The following FAT3 variants were observed in gnomAD, a reference collection of about 807,000 sequenced individuals.
The protein encoded by FAT3 is protocadherin Fat 3.
FAT3 carries 95 observed loss-of-function variants against 310.2 expected under a neutral mutation model. The observed-to-expected ratio is 0.31, with a 90% CI of 0.26 to 0.36. FAT3 has a LOEUF of 0.36. Ranked by LOEUF, FAT3 falls within the 10% of genes least tolerant of loss-of-function variation. FAT3 has a pLI of 1.00. For synonymous variants in FAT3, 2,314 were observed against 2,192.9 expected, an observed-to-expected ratio of 1.06 and a Z score of -1.54; for missense variants, 5,408 against 5,715.6, an observed-to-expected ratio of 0.95 and a Z score of 1.74.
intron 22 of FAT3, 86 bp from the exon 23 acceptor site, chr11:92,880,645 G>A (rs987444431): frequency 2.1e-6 from 3 of 1,445,384 alleles, no homozygotes; most frequent in African/African-American, 2.9e-5. Context: ...GTTCAACAAA[G>A]AATTAGGAGG....
intron 2 of FAT3, among the ~76,000 whole-genome samples, chr11:92,503,694 C>T (rs1417546653): frequency 6.6e-6 from 1 of 152,038 alleles, no homozygotes; most frequent in Non-Finnish European, 1.5e-5. Flanking sequence ...TTACAGACAA[C>T]ACACTCTGAT....
rs375393993 is a variant in FAT3, at chr11:92,354,385, A to G, written c.2273A>G (p.Asn758Ser). The change falls in exon 2 of 28, where the codon AAT (asparagine) becomes AGT (serine). Residue 758 changes from asparagine (N) to serine (S), a missense_variant. By Grantham distance (46) the Asn-to-Ser change is conservative (BLOSUM62 1). Coordinates refer to ENST00000525166, the MANE Select transcript of FAT3 (RefSeq NM_001367949.2). The part of the protein sequence containing the change: ...IKAYDADSGF[N>S]GKVLFTISDG... Reference sequence around the variant, plus strand: ...GCCTATGATGCCGACTCTGGCTTCAATGGAAAAGTGCTATTTACAATATCA... The same window carrying G: ...GCCTATGATGCCGACTCTGGCTTCAGTGGAAAAGTGCTATTTACAATATCA... 13 of 1,613,816 alleles carry G rather than the reference A, an allele frequency of 8.1e-6. No homozygotes were observed. Among genetic ancestry groups the G allele is most frequent in the African/African-American group, 5.3e-5 (4 of 74,930 alleles).
In FAT3 at chr11:92,840,219, C is replaced by T. The variant is rs1253042061; in HGVS notation, c.10369-343C>T. Among the ~76,000 whole-genome samples the T allele has an allele frequency of 3.9e-5, 6 of 152,134 alleles. No individual in the cohort carries two copies. The South Asian group carries it at 6.2e-4, about 16-fold the overall frequency. On this transcript the variant is annotated intron_variant, in intron 17 of 27. Transcript: ENST00000525166. ...CCCAGTGGAGCTCTTCAGGTCAGCT[C>T]GGGCATTGCCAGCTAACCCAGGACA...
intron 2 of FAT3, among the ~76,000 whole-genome samples, chr11:92,444,948 C>T (rs1951175433): frequency 6.6e-6 from 1 of 152,150 alleles, no homozygotes; most frequent in Admixed American, 6.6e-5. Context: ...GTCCTAACCT[C>T]CAGTGCCTCC....
At chr11:92,450,161 C>A (rs1951319188) in intron 2 of FAT3, among the ~76,000 whole-genome samples, 1 of 152,194 alleles carries the variant, frequency 6.6e-6, no homozygotes, top group Non-Finnish European at 1.5e-5. Flanking sequence ...GCGTTGGCAG[C>A]CTCGTTGAGG....
intron 7 of FAT3, among the ~76,000 whole-genome samples, chr11:92,774,993 A>AT (rs1200090594): frequency 6.6e-6 from 1 of 151,680 alleles, no homozygotes; most frequent in Non-Finnish European, 1.5e-5. Context: ...TTTTTTTCTT[A>AT]TTTTTTAGCA....
chr11:92,750,825 A>G (rs1945809118), intron 4 of FAT3, among the ~76,000 whole-genome samples: 1 of 152,234 alleles, frequency 6.6e-6, no homozygotes, highest in East Asian at 1.9e-4. Context: ...AGGCAACCCC[A>G]GTATGAATGT....
intron 3 of FAT3, among the ~76,000 whole-genome samples, chr11:92,611,352 G>GCTCCTCCTTCCTCTGA (rs879646884): frequency 1.3e-5 from 2 of 152,138 alleles, no homozygotes; most frequent in African/African-American, 2.4e-5. Context: ...CTGAGCTCAA[G>GCTCCTCCTTCCTCTGA]CTCCTCCTTC....
intron 13 of FAT3, among the ~76,000 whole-genome samples, chr11:92,814,502 T>C (rs1277118477): frequency 6.6e-6 from 1 of 152,216 alleles, no homozygotes; most frequent in East Asian, 1.9e-4. Context: ...ACTCTCTAGA[T>C]TTTAGCATGA....
At chr11:92,493,953 A>C (rs1952679501) in intron 2 of FAT3, among the ~76,000 whole-genome samples, 1 of 152,026 alleles carries the variant, frequency 6.6e-6, no homozygotes, top group Non-Finnish European at 1.5e-5. Flanking sequence ...CAGAAGCTAC[A>C]CAGACCTGAG....
At chr11:92,882,599 AACC>A (rs1835138715) in intron 23 of FAT3, 136 bp from the exon 24 acceptor site, 3 of 250,660 alleles carry the variant, frequency 1.2e-5, no homozygotes, top group Non-Finnish European at 2.0e-5. Context: ...CCCCCCCACC[AACC>A]ATCTTTGTCC....
intron 3 of FAT3, among the ~76,000 whole-genome samples, chr11:92,621,907 C>T (rs919583508): frequency 3.9e-5 from 6 of 152,150 alleles, no homozygotes; most frequent in Non-Finnish European, 8.8e-5. Flanking sequence ...GATTTTGGCA[C>T]AGTGGCTGTA....
At position 92,542,316 on chromosome 11, in the gene FAT3, A is replaced by C. The variant is rs148393728; in HGVS notation, c.3607+17368A>C. 4.9e-4 allele frequency among the ~76,000 whole-genome samples: 75 copies of C among 152,256 alleles called. No homozygotes were observed. In the East Asian group the frequency reaches 0.014, roughly 27 times the overall value. The stretch of plus-strand genomic sequence containing the variant: ...GATAAGACCCTAAAACACAGGCAAC[A>C]AAAACAAAACTAGACACATTGGATT... On this transcript the variant is annotated intron_variant, in intron 3 of 27. Transcript: ENST00000525166.
At chr11:92,341,863 C>T (rs1948272123) in intron 1 of FAT3, among the ~76,000 whole-genome samples, 1 of 152,164 alleles carries the variant, frequency 6.6e-6, no homozygotes, top group Non-Finnish European at 1.5e-5. Flanking sequence ...CCCTTCTCCT[C>T]TCCTGATACT....
chr11:92,450,534 A>G (rs981144336), intron 2 of FAT3, among the ~76,000 whole-genome samples: 1 of 152,160 alleles, frequency 6.6e-6, no homozygotes, highest in Non-Finnish European at 1.5e-5. Context: ...CTTGGTTCCA[A>G]CACAAGACTG....
chr11:92,322,041 A>C (rs1327139909), intron 1 of FAT3, among the ~76,000 whole-genome samples: 1 of 152,124 alleles, frequency 6.6e-6, no homozygotes, highest in East Asian at 1.9e-4. Flanking sequence ...TGAAAATCAG[A>C]CTCTGGTTAG....
In FAT3 at chr11:92,618,927, A is replaced by G. The variant is rs573149345; in HGVS notation, c.3608-78457A>G. 1.3e-5 allele frequency among the ~76,000 whole-genome samples: 2 copies of G among 152,234 alleles called. 1 individual carries two copies. The highest frequency in any genetic ancestry group is 4.1e-4 in the South Asian group (2 of 4,826). Reference sequence around the variant, plus strand: ...ACACCCTTTTCTTATTCTTGATCTCAGGAACAATGGATTAAGTATTTTACC... The same window carrying G: ...ACACCCTTTTCTTATTCTTGATCTCGGGAACAATGGATTAAGTATTTTACC... On this transcript the variant is annotated intron_variant, in intron 3 of 27. Transcript: ENST00000525166.
At chr11:92,771,211 T>C (rs1744207039) in intron 6 of FAT3, among the ~76,000 whole-genome samples, 1 of 152,158 alleles carries the variant, frequency 6.6e-6, no homozygotes, top group South Asian at 2.1e-4. Flanking sequence ...TGGCTTTGCA[T>C]GTTCTGTTAC....
intron 2 of FAT3, among the ~76,000 whole-genome samples, chr11:92,453,068 C>T (rs1286560585): frequency 6.6e-6 from 1 of 152,156 alleles, no homozygotes; most frequent in Admixed American, 6.5e-5. Context: ...CCCTCTACAC[C>T]TAGCCTGATA....
Sources: allele counts gnomAD v4.1 joint callset (sites outside exome capture counted in the v4.1 genomes callset), GRCh38; gene constraint gnomAD v4.1.1; transcripts MANE v1.5; gene names NCBI Gene and HGNC (gene_info 2026-07-23, HGNC 2026-07-21).